The following FGF12 variants were observed in gnomAD, a reference collection of about 807,000 sequenced individuals.
The protein encoded by FGF12 is fibroblast growth factor 12B.
Under a neutral mutation model 23.6 loss-of-function variants are expected in FGF12, and 14 were observed. The ratio of observed to expected loss-of-function variants is 0.59; its 90% CI spans 0.39 to 0.93. The LOEUF is 0.93. Ranked by LOEUF, FGF12 falls within the 40% of genes least tolerant of loss-of-function variation. FGF12 has a pLI of 0.00. For missense variants in FGF12, 175 were observed against 217.8 expected, an observed-to-expected ratio of 0.80 and a Z score of 1.24; for synonymous variants, 62 against 77.3, an observed-to-expected ratio of 0.80 and a Z score of 1.04.
intron 2 of FGF12, among the ~76,000 whole-genome samples, chr3:192,452,168 A>G (rs1722542344): frequency 6.6e-6 from 1 of 152,188 alleles, no homozygotes; most frequent in South Asian, 2.1e-4. Flanking sequence ...AAATTGAGAA[A>G]GATCCTTATA....
At chr3:192,676,766 G>A (rs1003313262) in intron 2 of FGF12, among the ~76,000 whole-genome samples, 1 of 152,148 alleles carries the variant, frequency 6.6e-6, no homozygotes, top group Admixed American at 6.5e-5. Flanking sequence ...GATGAAGGCA[G>A]CAGTGAGGGC....
At chr3:192,385,254 A>G (rs1036457950) in intron 2 of FGF12, among the ~76,000 whole-genome samples, 5 of 151,980 alleles carry the variant, frequency 3.3e-5, no homozygotes, top group African/African-American at 4.8e-5. Flanking sequence ...CATATCCTAA[A>G]TTTATGTAGA....
At chr3:192,508,091 C>T (rs1230751522) in intron 2 of FGF12, among the ~76,000 whole-genome samples, 3 of 152,178 alleles carry the variant, frequency 2.0e-5, no homozygotes, top group Admixed American at 6.5e-5. Context: ...ACCATGCAAT[C>T]GCATCCCAGC....
intron 2 of FGF12, among the ~76,000 whole-genome samples, chr3:192,646,264 C>A (rs766482170): frequency 6.6e-6 from 1 of 151,944 alleles, no homozygotes; most frequent in African/African-American, 2.4e-5. Flanking sequence ...AGGAAGTCAA[C>A]GTTTAATAAA....
At chr3:192,300,744 G>A (rs190710692) in intron 4 of FGF12, among the ~76,000 whole-genome samples, 6 of 152,062 alleles carry the variant, frequency 3.9e-5, no homozygotes, top group African/African-American at 9.7e-5. Flanking sequence ...CTCACCTGGC[G>A]CAGTGGCTCA....
At chr3:192,330,075 A>AC (rs1317561099) in intron 4 of FGF12, among the ~76,000 whole-genome samples, 1 of 152,118 alleles carries the variant, frequency 6.6e-6, no homozygotes, top group Non-Finnish European at 1.5e-5. Flanking sequence ...TATACTGAAA[A>AC]CTACTAAACA....
chr3:192,700,974 C>T (rs1432896975), intron 2 of FGF12, among the ~76,000 whole-genome samples: 3 of 151,924 alleles, frequency 2.0e-5, no homozygotes, highest in Admixed American at 6.5e-5. Context: ...AGGAAATCTA[C>T]ATTATGTAGA....
At chr3:192,700,925 G>T (rs1259808446) in intron 2 of FGF12, among the ~76,000 whole-genome samples, 1 of 152,054 alleles carries the variant, frequency 6.6e-6, no homozygotes, top group Non-Finnish European at 1.5e-5. Flanking sequence ...ATATTTTTTT[G>T]ACATATTTTG....
At chr3:192,308,335 G>A (rs78359791) in intron 4 of FGF12, among the ~76,000 whole-genome samples, 5,706 of 152,188 alleles carry the variant, frequency 0.037, 343 homozygotes, top group African/African-American at 0.13. Context: ...AATGACATTG[G>A]CAGATCTAAT....
At chr3:192,708,532 A>G (rs999256860) in intron 2 of FGF12, among the ~76,000 whole-genome samples, 1 of 152,234 alleles carries the variant, frequency 6.6e-6, no homozygotes, top group African/African-American at 2.4e-5. Flanking sequence ...ACAAAGCAGA[A>G]TGACATAGTC....
chr3:192,469,920 C>T (rs949020073), intron 2 of FGF12, among the ~76,000 whole-genome samples: 10 of 152,050 alleles, frequency 6.6e-5, no homozygotes, highest in Admixed American at 4.6e-4. Context: ...ATCTGTTTTA[C>T]AAAGCTATGT....
chr3:192,231,907 G>A (rs553545343), intron 4 of FGF12, among the ~76,000 whole-genome samples: 3 of 152,284 alleles, frequency 2.0e-5, no homozygotes, highest in Admixed American at 6.5e-5. Flanking sequence ...GTAGGAAACA[G>A]AGATCAAAGT....
At chr3:192,620,966 C>T (rs376912266) in intron 2 of FGF12, among the ~76,000 whole-genome samples, 5 of 152,150 alleles carry the variant, frequency 3.3e-5, no homozygotes, top group African/African-American at 1.2e-4. Context: ...TAACTCCCAG[C>T]ATCATCTGAC....
chr3:192,517,812 T>C (rs533990811), intron 2 of FGF12, among the ~76,000 whole-genome samples: 99 of 152,204 alleles, frequency 6.5e-4, no homozygotes, highest in Non-Finnish European at 1.2e-3. Flanking sequence ...CTTACACTTA[T>C]CAGGATTTCA....
intron 4 of FGF12, among the ~76,000 whole-genome samples, chr3:192,285,206 C>A (rs535232247): frequency 2.0e-5 from 3 of 151,958 alleles, no homozygotes; most frequent in Non-Finnish European, 1.5e-5. Flanking sequence ...AGTTGATAAG[C>A]AATACCTGTG....
chr3:192,456,263 C>G (rs1722678763), intron 2 of FGF12, among the ~76,000 whole-genome samples: 1 of 152,156 alleles, frequency 6.6e-6, no homozygotes, highest in Non-Finnish European at 1.5e-5. Context: ...TTTCTACTTT[C>G]AGGATTATGT....
At chr3:192,399,849 G>A (rs1466319399) in intron 2 of FGF12, among the ~76,000 whole-genome samples, 1 of 152,144 alleles carries the variant, frequency 6.6e-6, no homozygotes, top group African/African-American at 2.4e-5. Flanking sequence ...TTGGTCTTAG[G>A]CCTTAGGGCC....
chr3:192,172,876 C>G (rs1033211127), intron 4 of FGF12, among the ~76,000 whole-genome samples: 1 of 151,012 alleles, frequency 6.6e-6, no homozygotes, highest in African/African-American at 2.4e-5. Flanking sequence ...AATGTGGAAA[C>G]AACCCAAACA....
chr3:192,268,342 T>C, intron 4 of FGF12, among the ~76,000 whole-genome samples: 1 of 152,164 alleles, frequency 6.6e-6, no homozygotes, highest in East Asian at 1.9e-4. Flanking sequence ...ACCAGAACTC[T>C]AGATGTGGGT....
Sources: gnomAD v4.1 joint callset for allele counts (sites outside exome capture counted in the v4.1 genomes callset) on GRCh38, gnomAD v4.1.1 for gene constraint, MANE v1.5 for transcripts, NCBI Gene and HGNC (gene_info 2026-07-23, HGNC 2026-07-21) for gene names.